Variants in FTO observed in about 807,000 individuals in gnomAD.
The protein encoded by FTO is alpha-ketoglutarate-dependent dioxygenase FTO.
A neutral mutation model predicts 63.9 loss-of-function variants in FTO; 47 were observed. That is an observed-to-expected ratio of 0.74 (90% CI 0.58 to 0.94). The LOEUF is 0.94. Among genes scored for constraint, FTO ranks in the 40% least tolerant of loss-of-function variants. FTO has a pLI of 0.00. For missense variants in FTO, 562 were observed against 618.1 expected, an observed-to-expected ratio of 0.91 and a Z score of 0.96; for synonymous variants, 207 against 224.4, an observed-to-expected ratio of 0.92 and a Z score of 0.69.
chr16:53,914,476 T>C (rs760596349), intron 7 of FTO, among the ~76,000 whole-genome samples: 20 of 152,198 alleles, frequency 1.3e-4, no homozygotes, highest in Non-Finnish European at 2.5e-4. Context: ...TTTAAAGAAT[T>C]GTACTCTCTA....
intron 7 of FTO, among the ~76,000 whole-genome samples, chr16:53,910,732 C>T (rs1225421313): frequency 2.0e-5 from 3 of 152,122 alleles, no homozygotes; most frequent in South Asian, 2.1e-4. Context: ...GACGAGGTTT[C>T]GCCATGTTGG....
At chr16:53,973,242 A>C (rs373261862) in intron 8 of FTO, among the ~76,000 whole-genome samples, 1 of 147,120 alleles carries the variant, frequency 6.8e-6, no homozygotes, top group Non-Finnish European at 1.5e-5. Context: ...AAGTCTACTC[A>C]GCAGGAGGCT....
At chr16:53,882,698 C>G (rs1231063822) in intron 6 of FTO, among the ~76,000 whole-genome samples, 4 of 152,176 alleles carry the variant, frequency 2.6e-5, no homozygotes, top group Non-Finnish European at 4.4e-5. Context: ...CTTGTAAGGA[C>G]AAGGCCTTTC....
intron 1 of FTO, among the ~76,000 whole-genome samples, chr16:53,790,263 A>G (rs1322530619): frequency 6.6e-6 from 1 of 151,986 alleles, no homozygotes; most frequent in Non-Finnish European, 1.5e-5. Flanking sequence ...AACTGTACCA[A>G]TTAAACAATA....
intron 8 of FTO, among the ~76,000 whole-genome samples, chr16:54,088,614 A>G (rs559825585): frequency 6.6e-6 from 1 of 152,344 alleles, no homozygotes; most frequent in South Asian, 2.1e-4. Context: ...TGCCCCACAA[A>G]TAAACAGATA....
At chr16:54,066,225 G>C (rs1376285584) in intron 8 of FTO, among the ~76,000 whole-genome samples, 1 of 151,102 alleles carries the variant, frequency 6.6e-6, no homozygotes, top group East Asian at 2.0e-4. Flanking sequence ...CCTTACGGTA[G>C]TCCATGCAGT....
intron 8 of FTO, among the ~76,000 whole-genome samples, chr16:54,086,597 C>G (rs1330494979): frequency 4.6e-5 from 7 of 152,160 alleles, no homozygotes; most frequent in Admixed American, 4.6e-4. Context: ...CAACTAAGTC[C>G]CAACCCATTT....
At chr16:53,939,977 T>C (rs2082489342) in intron 8 of FTO, among the ~76,000 whole-genome samples, 3 of 152,146 alleles carry the variant, frequency 2.0e-5, no homozygotes, top group Non-Finnish European at 2.9e-5. Flanking sequence ...AGTTTTTGAG[T>C]GACATATTTT....
At chr16:54,007,074 G>A (rs759924590) in intron 8 of FTO, among the ~76,000 whole-genome samples, 3 of 152,164 alleles carry the variant, frequency 2.0e-5, no homozygotes, top group Non-Finnish European at 4.4e-5. Context: ...AATTTGCTTA[G>A]TGAAATACAA....
At chr16:53,739,337 C>T (rs144505870) in intron 1 of FTO, among the ~76,000 whole-genome samples, 40,479 of 150,926 alleles carry the variant, frequency 0.27, 6,517 homozygotes, top group Middle Eastern at 0.37. Context: ...TCCCCAGTAG[C>T]TGGGACTATA....
intron 8 of FTO, among the ~76,000 whole-genome samples, chr16:54,014,734 T>G (rs2093428577): frequency 6.6e-6 from 1 of 152,024 alleles, no homozygotes; most frequent in Admixed American, 6.6e-5. Context: ...AGAAGGCCAT[T>G]CTCATGTCAT....
intron 8 of FTO, chr16:54,040,789 A>G (rs1388069680): frequency 6.6e-6 from 1 of 152,228 alleles, no homozygotes; most frequent in Non-Finnish European, 1.5e-5. Context: ...AGAGGAAGGT[A>G]GGGCCATAGG....
chr16:54,025,263 C>T (rs577458559), intron 8 of FTO, among the ~76,000 whole-genome samples: 6 of 152,292 alleles, frequency 3.9e-5, no homozygotes, highest in African/African-American at 1.4e-4. Context: ...GAAATGGAGG[C>T]TGGACAGCTA....
chr16:53,803,571 GT>G (rs1036861784), intron 1 of FTO, among the ~76,000 whole-genome samples: 3 of 152,128 alleles, frequency 2.0e-5, no homozygotes, highest in African/African-American at 7.2e-5. Flanking sequence ...TGTGTATGTT[GT>G]TTTTCAGTTA....
intron 8 of FTO, among the ~76,000 whole-genome samples, chr16:54,014,945 T>C (rs1156832897): frequency 6.9e-6 from 1 of 144,346 alleles, no homozygotes. Context: ...AGCCTCCAAC[T>C]CCTAGCCCCA....
intron 1 of FTO, among the ~76,000 whole-genome samples, chr16:53,711,004 A>G (rs777209098): frequency 2.0e-5 from 3 of 152,218 alleles, no homozygotes; most frequent in Non-Finnish European, 4.4e-5. Flanking sequence ...TCTATCAAAT[A>G]GGAGTGATAT....
intron 8 of FTO, among the ~76,000 whole-genome samples, chr16:54,018,653 A>G (rs2084518564): frequency 6.6e-6 from 1 of 152,024 alleles, no homozygotes; most frequent in Non-Finnish European, 1.5e-5. Flanking sequence ...TAGTGAGTAA[A>G]TTCTCATGAG....
intron 7 of FTO, among the ~76,000 whole-genome samples, chr16:53,932,130 A>AATTAC (rs1254518461): frequency 1.3e-5 from 2 of 152,106 alleles, no homozygotes; most frequent in Admixed American, 1.3e-4. Flanking sequence ...CATGCACTGG[A>AATTAC]ATTACCTAGA....
At chr16:53,966,488 G>A (rs1025511470) in intron 8 of FTO, among the ~76,000 whole-genome samples, 19 of 152,136 alleles carry the variant, frequency 1.2e-4, no homozygotes, top group African/African-American at 4.1e-4. Context: ...TATAACTTCT[G>A]ATTTGTGGGC....
Sources: gnomAD v4.1 joint callset for allele counts (sites outside exome capture counted in the v4.1 genomes callset) on GRCh38, gnomAD v4.1.1 for gene constraint, MANE v1.5 for transcripts, NCBI Gene and HGNC (gene_info 2026-07-23, HGNC 2026-07-21) for gene names.